The following TUBGCP2 variants were observed in gnomAD, a reference collection of about 807,000 sequenced individuals.
TUBGCP2 encodes the protein tubulin gamma complex component 2, also known as gamma-tubulin complex component 2.
Under a neutral mutation model 92.2 loss-of-function variants are expected in TUBGCP2, and 55 were observed. The ratio of observed to expected loss-of-function variants is 0.60; its 90% CI spans 0.48 to 0.75. TUBGCP2 has a LOEUF of 0.75. Among genes scored for constraint, TUBGCP2 ranks in the 30% least tolerant of loss-of-function variants. TUBGCP2 has a pLI of 0.00. For synonymous variants in TUBGCP2, 533 were observed against 505.2 expected, an observed-to-expected ratio of 1.06 and a Z score of -0.74; for missense variants, 1,093 against 1,188.9, an observed-to-expected ratio of 0.92 and a Z score of 1.19.
At position 133,299,571 on chromosome 10, in the gene TUBGCP2, TTC is replaced by T; in HGVS notation, c.310_311del (p.Glu104LysfsTer3). On this transcript the variant is annotated frameshift_variant, in exon 4 of 18. Transcript: ENST00000252936. LOFTEE classifies it high-confidence loss of function. Reference sequence around the variant, plus strand: ...CAGCAGCGGCTGCAAGCTCAGCTCTTTCTTTTGCATTCTGTTGTAAGTACTGC... The same window carrying T: ...CAGCAGCGGCTGCAAGCTCAGCTCTTTTTTGCATTCTGTTGTAAGTACTGC... ...TLQYLQQNAK[E>X]RAELAAAAVG... is the part of the protein sequence containing the mutation. 6.2e-7 allele frequency: 1 copy of T among 1,613,134 alleles called. No individual in the cohort carries two copies. Among genetic ancestry groups the T allele is most frequent in the Non-Finnish European group, 8.5e-7 (1 of 1,179,546 alleles).
Position 133,308,813 on chromosome 10 carries a change from C to T in TUBGCP2, c.-40+10G>A, listed in dbSNP as rs1847895775. The T allele has an allele frequency of 3.9e-6, 3 of 770,838 alleles. No individual in the cohort carries two copies. In the East Asian group the frequency reaches 1.2e-4, roughly 31 times the overall value. 47.7% of individuals were successfully genotyped at this position (770,838 alleles called of 1,614,324 possible). A position where few individuals can be genotyped will look rare whatever the true frequency, so the allele number is the denominator to read the frequency against. On this transcript the variant is annotated intron_variant, in intron 1 of 17. Coordinates refer to ENST00000252936, the MANE Select transcript of TUBGCP2 (RefSeq NM_006659.4). ...CATCACGCCCGCGCCCGCGTTCGGC[C>T]AGGACTCACCGCAGTCCCGGAGCCA...
At chr10:133,287,880 A>G (rs1176641353) in intron 11 of TUBGCP2, among the ~76,000 whole-genome samples, 2 of 152,270 alleles carry the variant, frequency 1.3e-5, no homozygotes, top group Non-Finnish European at 2.9e-5. Context: ...CCACAAGGCC[A>G]GCATGACCTG....
At position 133,278,895 on chromosome 10, in the gene TUBGCP2, C is replaced by T. The variant is rs1564932101; in HGVS notation, c.*871G>A. On this transcript the variant is annotated 3_prime_UTR_variant, in exon 18 of 18. Transcript: ENST00000252936. ...CTGAGAGCTGAAGGTGACAACAATA[C>T]ACATGCAGGTCAGCAGGAAGGGGCA... The T allele has an allele frequency of 6.6e-6, 1 of 152,396 alleles. No homozygotes were observed. Among genetic ancestry groups the T allele is most frequent in the African/African-American group, 2.4e-5 (1 of 41,476 alleles). The allele number at this position is 152,396 out of a possible 1,614,324, so 9.4% of individuals were successfully genotyped here.
Position 133,285,522 on chromosome 10 carries a change from A to C in TUBGCP2, c.1829T>G (p.Leu610Arg). ...GAAAGAGAAGGCCTCCAGGCCGCTC[A>C]GCGCCAGCTCCGTGGGGTCGGCGTG... is the stretch of plus-strand genomic sequence containing the variant. ...MAHADPTELA[L>R]SGLEAFSFDY... The change falls in exon 12 of 18, where the codon CTG becomes CGG. Residue 610 changes from leucine (L) to arginine (R), a missense_variant. By Grantham distance (102) the Leu-to-Arg change is moderately radical. Coordinates refer to ENST00000252936, the MANE Select transcript of TUBGCP2 (RefSeq NM_006659.4). This position sits in a 1 kb window ranked among gnomAD's most constrained non-coding sequence, Gnocchi z 6.8. The C allele has an allele frequency of 6.2e-7, 1 of 1,606,418 alleles. No individual in the cohort carries two copies. Among genetic ancestry groups the C allele is most frequent in the Non-Finnish European group, 8.5e-7 (1 of 1,174,408 alleles).
In TUBGCP2 at chr10:133,285,582, A is replaced by G. The variant is rs2136112365; in HGVS notation, c.1769T>C (p.Leu590Pro). The G allele has an allele frequency of 6.5e-7, 1 of 1,550,020 alleles. No homozygotes were observed. The highest frequency in any genetic ancestry group is 8.7e-7 in the Non-Finnish European group (1 of 1,145,974). Reference sequence around the variant, plus strand: ...CTTCTCCTGCTTGGTCTCGATGGCCAGGACGCGCAAGAGCTGAGTGATGAG... The same window carrying G: ...CTTCTCCTGCTTGGTCTCGATGGCCGGGACGCGCAAGAGCTGAGTGATGAG... The part of the protein sequence containing the change: ...HDLITQLLRV[L>P]AIETKQEKAM... The change falls in exon 12 of 18, where the codon CTG (leucine) becomes CCG (proline). Residue 590 changes from leucine (L) to proline (P), a missense_variant. By Grantham distance (98) the Leu-to-Pro change is moderately conservative (BLOSUM62 -3). Around this residue, in one of 3 missense-constraint regions of TUBGCP2, gnomAD observed 598 missense variants for 675.5 expected, o/e 0.89. Coordinates refer to ENST00000252936, the MANE Select transcript of TUBGCP2 (RefSeq NM_006659.4). This position sits in a 1 kb window ranked among gnomAD's most constrained non-coding sequence, Gnocchi z 6.8.
rs537501031 is a variant in TUBGCP2 at position 133,288,137 on chromosome 10, C to T, written c.1714G>A (p.Asp572Asn). 4.3e-6 allele frequency: 7 copies of T among 1,609,868 alleles called. No homozygotes were observed. In the East Asian group the frequency reaches 1.1e-4, roughly 26 times the overall value. The change falls in exon 11 of 18, where the codon GAC (aspartate) becomes AAC (asparagine). Residue 572 changes from aspartate (D) to asparagine (N), a missense_variant. This residue lies in a region of TUBGCP2 where 598 missense variants were observed against 675.5 expected (regional missense o/e 0.89). Coordinates refer to ENST00000252936, the MANE Select transcript of TUBGCP2 (RefSeq NM_006659.4). ...CCGGCACCCCCACCCACCTTGAGGT[C>T]GTCCTTGAAGGGGTCAGTGTTGGCC... is the stretch of plus-strand genomic sequence containing the variant. ...STANTDPFKD[D>N]LKIDLMPHDL...
Position 133,293,772 on chromosome 10 carries a change from G to A in TUBGCP2, c.617-3C>T. On this transcript the variant is annotated splice_polypyrimidine_tract_variant and splice_region_variant and intron_variant, in intron 5 of 17. Coordinates refer to ENST00000252936, the MANE Select transcript of TUBGCP2 (RefSeq NM_006659.4). Reference sequence around the variant, plus strand: ...CTGCGAGGCCAGGGGCAACGTGCCTGCGGGCACAGACAGCGCTGTGGCTCT... The same window carrying A: ...CTGCGAGGCCAGGGGCAACGTGCCTACGGGCACAGACAGCGCTGTGGCTCT... 1.9e-6 allele frequency: 3 copies of A among 1,579,498 alleles called. No homozygotes were observed. The highest frequency in any genetic ancestry group is 2.6e-6 in the Non-Finnish European group (3 of 1,163,630).
At chr10:133,299,732 G>T in intron 3 of TUBGCP2, 129 bp from the exon 4 acceptor site, 1 of 903,920 alleles carries the variant, frequency 1.1e-6, no homozygotes, top group Non-Finnish European at 1.7e-6. Context: ...AAAGCGACGC[G>T]TGCGACAGGC....
upstream of TUBGCP2, chr10:133,311,681 G>A (rs552838629): frequency 2.1e-4 from 338 of 1,578,472 alleles, 3 homozygotes; most frequent in South Asian, 3.2e-3. Context: ...TGTGGGAGCC[G>A]TGCAGGGCAG....
chr10:133,309,485 AG>A, upstream of TUBGCP2: 1 of 1,607,994 alleles, frequency 6.2e-7, no homozygotes, highest in Non-Finnish European at 8.5e-7. Flanking sequence ...GGCAGTGCCT[AG>A]CCAGTGCTAC....
chr10:133,301,370 C>T (rs946950893), intron 2 of TUBGCP2, among the ~76,000 whole-genome samples: 1 of 152,124 alleles, frequency 6.6e-6, no homozygotes, highest in African/African-American at 2.4e-5. Context: ...GGTGATCCAC[C>T]CGCCTCGGCC....
upstream of TUBGCP2, chr10:133,309,530 C>A: frequency 6.5e-7 from 1 of 1,531,460 alleles, no homozygotes; most frequent in East Asian, 2.4e-5. Flanking sequence ...TGCCTGGTCC[C>A]TGGGGCTGTG....
At chr10:133,302,156 G>C (rs1847677035) in intron 2 of TUBGCP2, 1 of 158,720 alleles carries the variant, frequency 6.3e-6, no homozygotes, top group Non-Finnish European at 1.4e-5. Context: ...ACAGTGGGGT[G>C]AATCACAGGA....
In TUBGCP2 at chr10:133,289,983, G is replaced by A. The variant is rs765801428; in HGVS notation, c.1215-14C>T. 1 of 1,609,312 alleles carries A rather than the reference G, an allele frequency of 6.2e-7. No individual in the cohort carries two copies. Among genetic ancestry groups the A allele is most frequent in the Admixed American group, 1.7e-5 (1 of 59,976 alleles). On this transcript the variant is annotated splice_polypyrimidine_tract_variant and intron_variant, in intron 8 of 17. Transcript: ENST00000252936. ...ACCATAAACTCACTAAAACCACAGG[G>A]AGCGCTTCGGTCACAGGCAAAGCAA... is the stretch of plus-strand genomic sequence containing the variant.
upstream of TUBGCP2, among the ~76,000 whole-genome samples, chr10:133,309,617 A>C (rs1245950614): frequency 6.6e-6 from 1 of 152,098 alleles, no homozygotes; most frequent in Non-Finnish European, 1.5e-5. Flanking sequence ...CTCTTCCACC[A>C]CCTAGCCTGT....
chr10:133,288,552 A>T (rs936566599), intron 10 of TUBGCP2, among the ~76,000 whole-genome samples: 2 of 152,218 alleles, frequency 1.3e-5, no homozygotes, highest in Non-Finnish European at 2.9e-5. Context: ...CTTGGCTCTC[A>T]GGCAGGGGCT....
intron 2 of TUBGCP2, among the ~76,000 whole-genome samples, chr10:133,300,943 C>A (rs1390546622): frequency 7.2e-6 from 1 of 139,326 alleles, no homozygotes; most frequent in East Asian, 2.0e-4. Context: ...TCATTGTATG[C>A]ATCTCACTGT....
rs547691200 is a variant in TUBGCP2, at chr10:133,308,863, C to A, written c.-80G>T. On this transcript the variant is annotated 5_prime_UTR_variant, in exon 1 of 18. Coordinates refer to ENST00000252936, the MANE Select transcript of TUBGCP2 (RefSeq NM_006659.4). ...ACAGCCCCCGCGCAGCCCCCGACGG[C>A]GGCGGAAGTGAGCGTGACGTCACGT... 8.9e-5 allele frequency: 103 copies of A among 1,155,248 alleles called. 1 individual carries two copies. In the East Asian group the frequency reaches 3.6e-3, roughly 40 times the overall value. 71.6% of individuals were successfully genotyped at this position (1,155,248 alleles called of 1,614,324 possible). A position where few individuals can be genotyped will look rare whatever the true frequency, so the allele number is the denominator to read the frequency against.
intron 13 of TUBGCP2, 102 bp from the exon 14 acceptor site, chr10:133,284,104 T>C (rs1847066980): frequency 6.6e-7 from 1 of 1,522,030 alleles, no homozygotes; most frequent in East Asian, 2.3e-5. Flanking sequence ...GGACGTTCTC[T>C]GGACGTGGCT....
Sources: gnomAD v4.1 joint callset for allele counts (sites outside exome capture counted in the v4.1 genomes callset) on GRCh38, gnomAD v4.1.1 for gene constraint, gnomAD v4.1.1 regional missense constraint, Gnocchi (gnomAD v3.1) non-coding constraint, MANE v1.5 for transcripts, NCBI Gene and HGNC (gene_info 2026-07-23, HGNC 2026-07-21) for gene names.